The following CDKN2B-AS1 variants were observed in gnomAD, a reference collection of about 807,000 sequenced individuals.
The protein encoded by CDKN2B-AS1 is CDKN2B and CDKN2A antisense cis and trans regulatory RNA 1, also known as CDKN2B antisense RNA 1 (non-protein coding).
At chr9:22,118,051 C>G (rs1304148620) in intron 4 of CDKN2B-AS1, 2 of 152,374 alleles carry the variant, frequency 1.3e-5, no homozygotes, top group Admixed American at 1.3e-4. Context: ...CTTTCTGACT[C>G]CTAGGACTGT....
intron 1 of CDKN2B-AS1, chr9:22,029,296 C>T: frequency 3.2e-6 from 2 of 633,896 alleles, no homozygotes; most frequent in South Asian, 4.1e-5. Flanking sequence ...AAAGCTATTA[C>T]CGTCTTTATC....
chr9:22,033,702 G>T (rs574479066), intron 1 of CDKN2B-AS1, among the ~76,000 whole-genome samples: 88 of 152,248 alleles, frequency 5.8e-4, no homozygotes, highest in African/African-American at 2.1e-3. Flanking sequence ...GTAGTGAGAT[G>T]CCACTTGCTC....
chr9:22,030,413 G>A lies in CDKN2B-AS1; in HGVS notation n.30-16338G>A, dbSNP rs1464369253. On this transcript the variant is annotated intron_variant and non_coding_transcript_variant, in intron 1 of 4. Transcript: ENST00000650946. ...GAGATTGCTTCTTTTACTCTATTTA[G>A]TTTGTACTTCCTATCTGGGTATTTG... 3 of 152,098 alleles carry A rather than the reference G, an allele frequency of 2.0e-5. No individual in the cohort carries two copies. In the East Asian group the frequency reaches 5.8e-4, roughly 29 times the overall value. The allele number at this position is 152,098 out of a possible 1,614,324, so 9.4% of individuals were successfully genotyped here. A position where few individuals can be genotyped will look rare whatever the true frequency, so the allele number is the denominator to read the frequency against.
rs747972691 is a variant in CDKN2B-AS1 at position 22,029,452 on chromosome 9, T to G, written n.30-17299T>G. 18 of 779,632 alleles carry G rather than the reference T, an allele frequency of 2.3e-5. No individual in the cohort carries two copies. In the South Asian group the frequency reaches 2.4e-4, roughly 10 times the overall value. The allele number at this position is 779,632 out of a possible 1,614,324, so 48.3% of individuals were successfully genotyped here. A position where few individuals can be genotyped will look rare whatever the true frequency, so the allele number is the denominator to read the frequency against. The stretch of plus-strand genomic sequence containing the variant: ...TTGCAGGACTATTTGCCACGACATT[T>G]CAAAGGATTCCAAGAGAGAATATTG... On this transcript the variant is annotated intron_variant and non_coding_transcript_variant, in intron 1 of 4. Transcript: ENST00000650946.
intron 4 of CDKN2B-AS1, among the ~76,000 whole-genome samples, chr9:22,088,721 C>G (rs1417191138): frequency 6.6e-6 from 1 of 152,122 alleles, no homozygotes; most frequent in Admixed American, 6.6e-5. Flanking sequence ...ATATTGCCTT[C>G]CAGGAGGCTT....
chr9:22,040,724 G>A (rs72693646), intron 1 of CDKN2B-AS1, among the ~76,000 whole-genome samples: 81 of 152,146 alleles, frequency 5.3e-4, no homozygotes, highest in Non-Finnish European at 9.9e-4. Context: ...GTAGCTGGAT[G>A]TCTAACATCA....
intron 4 of CDKN2B-AS1, among the ~76,000 whole-genome samples, chr9:22,078,315 C>T (rs1483188374): frequency 6.6e-6 from 1 of 151,888 alleles, no homozygotes; most frequent in Non-Finnish European, 1.5e-5. Flanking sequence ...TCGTATCAAA[C>T]TTATCAGTAG....
intron 1 of CDKN2B-AS1, among the ~76,000 whole-genome samples, chr9:22,021,083 T>C (rs1466891751): frequency 1.3e-5 from 2 of 152,186 alleles, no homozygotes; most frequent in African/African-American, 4.8e-5. Flanking sequence ...AGATTTAATC[T>C]TCTGCATATG....
intron 1 of CDKN2B-AS1, among the ~76,000 whole-genome samples, chr9:22,021,408 G>C (rs1273092602): frequency 6.6e-6 from 1 of 152,026 alleles, no homozygotes; most frequent in East Asian, 1.9e-4. Flanking sequence ...GAAAATTAGG[G>C]CACTTTTTTG....
chr9:22,017,551 A>G (rs2106119), intron 1 of CDKN2B-AS1, among the ~76,000 whole-genome samples: 85,577 of 151,962 alleles, frequency 0.56, 25,171 homozygotes, highest in African/African-American at 0.7. Context: ...ATTGAAACTC[A>G]TTCTTGAATA....
At chr9:22,077,977 C>T (rs932285050) in intron 4 of CDKN2B-AS1, 5 of 152,150 alleles carry the variant, frequency 3.3e-5, no homozygotes, top group Non-Finnish European at 4.4e-5. Context: ...CCCCACATGA[C>T]ACTGCTTCAT....
At chr9:22,108,432 G>A (rs1825714778) in intron 4 of CDKN2B-AS1, among the ~76,000 whole-genome samples, 1 of 152,144 alleles carries the variant, frequency 6.6e-6, no homozygotes, top group African/African-American at 2.4e-5. Flanking sequence ...AGGGTGGTAT[G>A]GCCATAGACA....
rs1197378161 is a variant in CDKN2B-AS1, at chr9:22,006,225, C to A, written n.29+11064C>A. 5.6e-6 allele frequency: 9 copies of A among 1,606,534 alleles called. No individual in the cohort carries two copies. Among genetic ancestry groups the A allele is most frequent in the Non-Finnish European group, 6.8e-6 (8 of 1,179,830 alleles). The stretch of plus-strand genomic sequence containing the variant: ...GTGGAGCAGCAGCAGCTCCGCCACG[C>A]GGGCGCTGCCCATCATCATGACCTG... On this transcript the variant is annotated intron_variant and non_coding_transcript_variant, in intron 1 of 4. Coordinates refer to ENST00000650946, the Ensembl canonical transcript of CDKN2B-AS1. This position sits in a 1 kb window ranked among gnomAD's most constrained non-coding sequence, Gnocchi z 6.4.
At chr9:22,077,312 A>G (rs997233721) in intron 4 of CDKN2B-AS1, among the ~76,000 whole-genome samples, 1 of 152,260 alleles carries the variant, frequency 6.6e-6, no homozygotes, top group Admixed American at 6.5e-5. Context: ...AATGTTTTGC[A>G]CTTTTTTCAT....
intron 1 of CDKN2B-AS1, among the ~76,000 whole-genome samples, chr9:22,036,100 T>C (rs558298718): frequency 1.6e-4 from 25 of 152,190 alleles, no homozygotes; most frequent in Admixed American, 1.6e-3. Context: ...TCATGAAGAA[T>C]AAAGACAAAT....
At chr9:22,033,804 CT>C (rs1822573562) in intron 1 of CDKN2B-AS1, among the ~76,000 whole-genome samples, 1 of 152,164 alleles carries the variant, frequency 6.6e-6, no homozygotes, top group Non-Finnish European at 1.5e-5. Flanking sequence ...TGTTTGCCAT[CT>C]ATTGACAGAG....
At chr9:22,119,710 A>G (rs1826049499) in intron 4 of CDKN2B-AS1, 1 of 152,186 alleles carries the variant, frequency 6.6e-6, no homozygotes, top group Non-Finnish European at 1.5e-5. Flanking sequence ...ACATTTTTGG[A>G]TTAAAGCTTT....
At position 22,064,602 on chromosome 9, in the gene CDKN2B-AS1, C is replaced by G. The variant is rs527260403; in HGVS notation, n.438+8215C>G. 2.6e-5 allele frequency among the ~76,000 whole-genome samples: 4 copies of G among 152,262 alleles called. No individual in the cohort carries two copies. In the South Asian group the frequency reaches 6.2e-4, roughly 24 times the overall value. ...CAAATATTCCAAAGATGGAGTGAAT[C>G]AGTTCGAGACAGAGATATCTGAGGG... On this transcript the variant is annotated intron_variant and non_coding_transcript_variant, in intron 4 of 4. Coordinates refer to ENST00000650946, the Ensembl canonical transcript of CDKN2B-AS1.
intron 4 of CDKN2B-AS1, among the ~76,000 whole-genome samples, chr9:22,085,720 C>CAA (rs5896963): frequency 1.1e-4 from 13 of 117,860 alleles, no homozygotes; most frequent in Non-Finnish European, 1.9e-4. Context: ...GACTCCGTCT[C>CAA]AAAAAAAAAA....
Sources: allele counts gnomAD v4.1 joint callset (sites outside exome capture counted in the v4.1 genomes callset), GRCh38; gene constraint gnomAD v4.1.1; non-coding constraint Gnocchi (gnomAD v3.1); transcripts MANE v1.5; gene names NCBI Gene and HGNC (gene_info 2026-07-23, HGNC 2026-07-21).